Variants in CACNA1C observed in about 807,000 individuals in gnomAD.
The protein encoded by CACNA1C is calcium voltage-gated channel subunit alpha1 C, also known as voltage-dependent L-type calcium channel subunit alpha-1C.
A neutral mutation model predicts 229.0 loss-of-function variants in CACNA1C; 30 were observed. The ratio of observed to expected loss-of-function variants is 0.13; its 90% CI spans 0.10 to 0.18. The LOEUF (loss-of-function observed/expected upper bound fraction) is 0.18. Among genes scored for constraint, CACNA1C ranks in the 10% least tolerant of loss-of-function variants. The probability of loss-of-function intolerance (pLI) is 1.00; values close to 1 mark genes in which losing one functional copy is unlikely to be tolerated. For missense variants in CACNA1C, 1,658 were observed against 2,845.0 expected, an observed-to-expected ratio of 0.58 and a Z score of 9.49; for synonymous variants, 1,114 against 1,132.5, an observed-to-expected ratio of 0.98 and a Z score of 0.33.
At chr12:2,662,599 C>A (rs970523541) in intron 34 of CACNA1C, among the ~76,000 whole-genome samples, 1 of 152,186 alleles carries the variant, frequency 6.6e-6, no homozygotes, top group Non-Finnish European at 1.5e-5. Context: ...TCTAATAAGA[C>A]TCCCAACAGG....
At chr12:1,976,371 CTTCT>C (rs2034363180) in intron 1 of CACNA1C, among the ~76,000 whole-genome samples, 1 of 152,154 alleles carries the variant, frequency 6.6e-6, no homozygotes, top group Admixed American at 6.5e-5. Context: ...TTTGGTGGCT[CTTCT>C]TTCTTTCTCA....
At position 2,197,207 on chromosome 12, in the gene CACNA1C, C is replaced by T. The variant is rs531926593; in HGVS notation, c.477+76777C>T. Among the ~76,000 whole-genome samples the T allele has an allele frequency of 3.9e-4, 60 of 152,294 alleles. 1 individual carries two copies. Among genetic ancestry groups the T allele is most frequent in the Non-Finnish European group, 7.8e-4 (53 of 68,028 alleles). Reference sequence around the variant, plus strand: ...ACCTTGGCCCAGAACATACCCACCACGCCCTCGGGAAGTTTAAATCCCATC... The same window carrying T: ...ACCTTGGCCCAGAACATACCCACCATGCCCTCGGGAAGTTTAAATCCCATC... On this transcript the variant is annotated intron_variant, in intron 3 of 46. Transcript: ENST00000399655.
At chr12:2,298,822 G>A (rs2094316547) in intron 3 of CACNA1C, among the ~76,000 whole-genome samples, 1 of 152,188 alleles carries the variant, frequency 6.6e-6, no homozygotes, top group Non-Finnish European at 1.5e-5. Flanking sequence ...ACCCATCGAG[G>A]GGCTCTCTGG....
intron 3 of CACNA1C, among the ~76,000 whole-genome samples, chr12:2,385,709 A>G (rs1362968879): frequency 1.3e-5 from 2 of 152,342 alleles, no homozygotes; most frequent in Non-Finnish European, 1.5e-5. Context: ...AAATCCTGCA[A>G]TGGCCTCAGT....
chr12:2,112,903 A>T (rs1359832783), intron 1 of CACNA1C, among the ~76,000 whole-genome samples: 2 of 152,208 alleles, frequency 1.3e-5, no homozygotes, highest in African/African-American at 4.8e-5. Flanking sequence ...TATAGACTGG[A>T]GTCCAGCAGA....
Position 2,243,347 on chromosome 12 carries a change from G to A in CACNA1C, c.477+122917G>A, listed in dbSNP as rs1275721111. On this transcript the variant is annotated intron_variant, in intron 3 of 46. Coordinates refer to ENST00000399655, the MANE Select transcript of CACNA1C (RefSeq NM_000719.7). ...ATGAATTGAATCATAGGAAAGTGGA[G>A]ATGCCACCTGAGAGAGAACCATAAC... 2.0e-5 allele frequency among the ~76,000 whole-genome samples: 3 copies of A among 152,194 alleles called. No individual in the cohort carries two copies. In the East Asian group the frequency reaches 5.8e-4, roughly 29 times the overall value.
intron 6 of CACNA1C, among the ~76,000 whole-genome samples, chr12:2,489,826 AG>A: frequency 6.6e-6 from 1 of 152,388 alleles, no homozygotes; most frequent in South Asian, 2.1e-4. Flanking sequence ...TGGACTTTCC[AG>A]AATGACTCTA....
intron 3 of CACNA1C, among the ~76,000 whole-genome samples, chr12:2,421,057 C>G (rs1241409031): frequency 6.6e-6 from 1 of 152,194 alleles, no homozygotes; most frequent in East Asian, 1.9e-4. Flanking sequence ...AAGTCTCCAT[C>G]AGTGTCAAGA....
At chr12:2,066,973 C>G (rs1454304333) in intron 1 of CACNA1C, among the ~76,000 whole-genome samples, 1 of 152,052 alleles carries the variant, frequency 6.6e-6, no homozygotes, top group East Asian at 1.9e-4. Context: ...GTGGGAAACA[C>G]TATGAGACAC....
intron 9 of CACNA1C, among the ~76,000 whole-genome samples, chr12:2,538,155 A>G (rs1374097850): frequency 6.6e-6 from 1 of 152,158 alleles, no homozygotes; most frequent in South Asian, 2.1e-4. Context: ...GCAGGCATTT[A>G]TGCCTCCTCC....
At chr12:2,344,969 G>A (rs539603734) in intron 3 of CACNA1C, among the ~76,000 whole-genome samples, 4 of 150,780 alleles carry the variant, frequency 2.7e-5, no homozygotes, top group East Asian at 1.9e-4. Flanking sequence ...TCCTAGCTTC[G>A]CAGAAGTGTG....
At chr12:2,466,205 A>G (rs2099549575) in intron 5 of CACNA1C, among the ~76,000 whole-genome samples, 1 of 152,102 alleles carries the variant, frequency 6.6e-6, no homozygotes, top group Admixed American at 6.5e-5. Flanking sequence ...GTGTTTTCAC[A>G]CTTTGATGGT....
At chr12:2,111,708 C>T (rs1303028970) in intron 1 of CACNA1C, among the ~76,000 whole-genome samples, 1 of 152,120 alleles carries the variant, frequency 6.6e-6, no homozygotes. Flanking sequence ...TAAATTTTGT[C>T]AGTGCCAAAC....
chr12:2,673,110 G>A (rs917092804), intron 38 of CACNA1C, among the ~76,000 whole-genome samples: 3 of 152,204 alleles, frequency 2.0e-5, no homozygotes, highest in Non-Finnish European at 4.4e-5. Context: ...GGTCCTATGC[G>A]AGAGCAGTAA....
chr12:2,453,224 C>G (rs1411040768), intron 4 of CACNA1C, among the ~76,000 whole-genome samples: 1 of 152,130 alleles, frequency 6.6e-6, no homozygotes, highest in Non-Finnish European at 1.5e-5. Flanking sequence ...CGTTTCTAGA[C>G]CAATCCCCTC....
At chr12:2,200,571 G>C (rs1167616794) in intron 3 of CACNA1C, among the ~76,000 whole-genome samples, 2 of 152,210 alleles carry the variant, frequency 1.3e-5, no homozygotes, top group Non-Finnish European at 2.9e-5. Flanking sequence ...TCTGGAGTCT[G>C]AGGATACGGT....
chr12:2,087,810 A>T (rs970572823), intron 1 of CACNA1C, among the ~76,000 whole-genome samples: 11 of 152,328 alleles, frequency 7.2e-5, no homozygotes, highest in African/African-American at 2.4e-4. Context: ...TGAAAAAAAT[A>T]AAAAAGCTGG....
At chr12:2,369,142 A>T (rs181980382) in intron 3 of CACNA1C, among the ~76,000 whole-genome samples, 1 of 152,240 alleles carries the variant, frequency 6.6e-6, no homozygotes. Context: ...GCATCCTCCT[A>T]TGTGTCTCCA....
intron 3 of CACNA1C, among the ~76,000 whole-genome samples, chr12:2,125,194 T>C (rs2089473127): frequency 6.6e-6 from 1 of 151,380 alleles, no homozygotes; most frequent in Admixed American, 6.6e-5. Flanking sequence ...GAACAGAGAG[T>C]TTAAGATATT....
Sources: allele counts gnomAD v4.1 joint callset (sites outside exome capture counted in the v4.1 genomes callset), GRCh38; gene constraint gnomAD v4.1.1; transcripts MANE v1.5; gene names NCBI Gene and HGNC (gene_info 2026-07-23, HGNC 2026-07-21).